Variants in MAML3 observed in about 807,000 individuals in gnomAD.
The protein encoded by MAML3 is mastermind-like protein 3.
A neutral mutation model predicts 101.9 loss-of-function variants in MAML3; 27 were observed. That is an observed-to-expected ratio of 0.27 (90% CI 0.20 to 0.37). MAML3 has a LOEUF of 0.37. Among genes scored for constraint, MAML3 ranks in the 10% least tolerant of loss-of-function variants. MAML3 has a pLI of 1.00. For synonymous variants in MAML3, 501 were observed against 555.9 expected, an observed-to-expected ratio of 0.90 and a Z score of 1.39; for missense variants, 1,316 against 1,444.9, an observed-to-expected ratio of 0.91 and a Z score of 1.45.
intron 2 of MAML3, among the ~76,000 whole-genome samples, chr4:139,884,163 C>A (rs928865406): frequency 6.6e-6 from 1 of 152,060 alleles, no homozygotes; most frequent in Non-Finnish European, 1.5e-5. Context: ...GGATTACAGG[C>A]GTGAGCCACG....
chr4:140,043,403 C>T (rs1261979009), intron 1 of MAML3, among the ~76,000 whole-genome samples: 4 of 152,020 alleles, frequency 2.6e-5, no homozygotes, highest in Admixed American at 1.3e-4. Flanking sequence ...ATAGGAATGC[C>T]GAGAAACAGG....
At position 139,997,253 on chromosome 4, in the gene MAML3, T is replaced by C. The variant is rs186656936; in HGVS notation, c.469-106286A>G. Among the ~76,000 whole-genome samples, 101 of 151,482 alleles carry C rather than the reference T, an allele frequency of 6.7e-4. No homozygotes were observed. The East Asian group carries it at 0.018, about 27-fold the overall frequency. Reference sequence around the variant, plus strand: ...TTTGTAGTTGTTCCTCCTTTACTGCTTTCTTTTGTGTTAAATACATATTTT... The same window carrying C: ...TTTGTAGTTGTTCCTCCTTTACTGCCTTCTTTTGTGTTAAATACATATTTT... On this transcript the variant is annotated intron_variant, in intron 1 of 4. Transcript: ENST00000509479.
At chr4:140,011,209 ATTT>A (rs1257283113) in intron 1 of MAML3, among the ~76,000 whole-genome samples, 3 of 120,830 alleles carry the variant, frequency 2.5e-5, no homozygotes, top group Non-Finnish European at 5.3e-5. Context: ...ACAAATATAT[ATTT>A]TGTTATATAT....
At chr4:140,055,026 T>A (rs1727329995) in intron 1 of MAML3, among the ~76,000 whole-genome samples, 1 of 152,196 alleles carries the variant, frequency 6.6e-6, no homozygotes, top group Non-Finnish European at 1.5e-5. Flanking sequence ...CACTAAAAAG[T>A]ATTCAAAACA....
intron 2 of MAML3, among the ~76,000 whole-genome samples, chr4:139,874,805 C>CTTTTTTTTT (rs35089838): frequency 7.5e-6 from 1 of 133,118 alleles, no homozygotes; most frequent in Non-Finnish European, 1.6e-5. Context: ...CCTATCTTTC[C>CTTTTTTTTT]TTTTTTTTTT....
chr4:139,819,454 A>G (rs1034870018), intron 2 of MAML3, among the ~76,000 whole-genome samples: 2 of 152,214 alleles, frequency 1.3e-5, no homozygotes, highest in Non-Finnish European at 2.9e-5. Flanking sequence ...TATCCCCTGC[A>G]TGAAGCTGCT....
At chr4:139,789,294 C>T (rs538661445) in intron 2 of MAML3, among the ~76,000 whole-genome samples, 1 of 152,148 alleles carries the variant, frequency 6.6e-6, no homozygotes, top group Non-Finnish European at 1.5e-5. Flanking sequence ...CAGTGTTCCA[C>T]GGAAACACTG....
At chr4:139,722,191 T>C (rs1396606300) in intron 4 of MAML3, among the ~76,000 whole-genome samples, 1 of 152,236 alleles carries the variant, frequency 6.6e-6, no homozygotes, top group Non-Finnish European at 1.5e-5. Flanking sequence ...TGCTTTTTAA[T>C]AGGCAGTGAT....
At chr4:140,056,245 A>G (rs1019501441) in intron 1 of MAML3, among the ~76,000 whole-genome samples, 14 of 152,134 alleles carry the variant, frequency 9.2e-5, no homozygotes, top group African/African-American at 3.1e-4. Flanking sequence ...ACCTCTCTAC[A>G]TTCCAGTTTC....
intron 1 of MAML3, chr4:140,134,051 A>C (rs1336737382): frequency 2.2e-6 from 1 of 450,822 alleles, no homozygotes; most frequent in African/African-American, 2.0e-5. Flanking sequence ...CCCTCCAGGG[A>C]GGTTGTGACA....
At chr4:139,726,068 A>G (rs1728462486) in intron 3 of MAML3, among the ~76,000 whole-genome samples, 1 of 152,232 alleles carries the variant, frequency 6.6e-6, no homozygotes, top group Non-Finnish European at 1.5e-5. Flanking sequence ...GAACGCTGCC[A>G]GGAGCCCCTC....
intron 2 of MAML3, among the ~76,000 whole-genome samples, chr4:139,848,251 G>A (rs1731484451): frequency 6.6e-6 from 1 of 152,198 alleles, no homozygotes; most frequent in South Asian, 2.1e-4. Context: ...GTCTGTGTGT[G>A]TGCACAGAAA....
At chr4:139,871,864 C>T (rs900669452) in intron 2 of MAML3, among the ~76,000 whole-genome samples, 3 of 152,182 alleles carry the variant, frequency 2.0e-5, no homozygotes, top group African/African-American at 7.2e-5. Context: ...TATCCTTTTG[C>T]TTATGCTTCA....
chr4:139,947,450 T>G (rs1733750886), intron 1 of MAML3, among the ~76,000 whole-genome samples: 1 of 152,200 alleles, frequency 6.6e-6, no homozygotes, highest in East Asian at 1.9e-4. Flanking sequence ...TGGGAAAGTC[T>G]GGTTTCATGT....
intron 2 of MAML3, among the ~76,000 whole-genome samples, chr4:139,886,873 T>A (rs1732352044): frequency 6.6e-6 from 1 of 152,246 alleles, no homozygotes; most frequent in African/African-American, 2.4e-5. Flanking sequence ...GCATTCCTAT[T>A]CATTTCTGAG....
chr4:140,004,411 A>G (rs1726406881), intron 1 of MAML3, among the ~76,000 whole-genome samples: 1 of 152,210 alleles, frequency 6.6e-6, no homozygotes, highest in Non-Finnish European at 1.5e-5. Flanking sequence ...TGTCAGTTTT[A>G]AAGGCATCGC....
rs1002704784 is a variant in MAML3, at chr4:139,785,384, G to A, written c.2080-54717C>T. On this transcript the variant is annotated intron_variant, in intron 2 of 4. Coordinates refer to ENST00000509479, the MANE Select transcript of MAML3 (RefSeq NM_018717.5). The surrounding 1 kb of genome is among the most constrained non-coding windows in gnomAD (Gnocchi z 4.3). ...GCAGAGCTGTATTCCTAATTCCCCT[G>A]GAAGGGCTGTGAAGGAGGAATATAA... is the stretch of plus-strand genomic sequence containing the variant. 1.3e-5 allele frequency among the ~76,000 whole-genome samples: 2 copies of A among 152,212 alleles called. No individual in the cohort carries two copies. The highest frequency in any genetic ancestry group is 4.8e-5 in the African/African-American group (2 of 41,450).
At chr4:139,759,611 G>C (rs1220336972) in intron 2 of MAML3, among the ~76,000 whole-genome samples, 1 of 152,252 alleles carries the variant, frequency 6.6e-6, no homozygotes, top group Non-Finnish European at 1.5e-5. Context: ...GCAGATGTTA[G>C]AGGCTGTCTC....
intron 1 of MAML3, among the ~76,000 whole-genome samples, chr4:139,954,719 T>C (rs1733887911): frequency 6.6e-6 from 1 of 152,204 alleles, no homozygotes; most frequent in Non-Finnish European, 1.5e-5. Context: ...GGGGTCTCAC[T>C]ACATTGCCCA....
Sources: gnomAD v4.1 joint callset for allele counts (sites outside exome capture counted in the v4.1 genomes callset) on GRCh38, gnomAD v4.1.1 for gene constraint, Gnocchi (gnomAD v3.1) non-coding constraint, MANE v1.5 for transcripts, NCBI Gene and HGNC (gene_info 2026-07-23, HGNC 2026-07-21) for gene names.